The following RANBP2 variants were observed in gnomAD, a reference collection of about 807,000 sequenced individuals.
RANBP2 encodes E3 SUMO-protein ligase RanBP2.
A neutral mutation model predicts 303.6 loss-of-function variants in RANBP2; 57 were observed. The observed-to-expected ratio is 0.19, with a 90% CI of 0.15 to 0.23. RANBP2 has a LOEUF of 0.23. Among genes scored for constraint, RANBP2 ranks in the 10% least tolerant of loss-of-function variants. The pLI is 1.00. For synonymous variants in RANBP2, 1,167 were observed against 1,301.5 expected (o/e 0.90, Z 2.23); for missense variants, 3,138 against 3,780.8 (o/e 0.83, Z 4.46).
the RANBP2 span, among the ~76,000 whole-genome samples, chr2:108,902,195 G>A: frequency 6.7e-6 from 1 of 149,320 alleles, no homozygotes; most frequent in East Asian, 2.0e-4. Flanking sequence ...GGGACAGAGT[G>A]AGACTCCGTC....
At chr2:109,686,778 A>G in the RANBP2 span, among the ~76,000 whole-genome samples, 2 of 152,060 alleles carry the variant, frequency 1.3e-5, no homozygotes, top group Non-Finnish European at 2.9e-5. Flanking sequence ...TGCCCAGATA[A>G]CTTACTGTAT....
At chr2:108,752,329 G>A (rs1675949984) in intron 12 of RANBP2, among the ~76,000 whole-genome samples, 1 of 152,038 alleles carries the variant, frequency 6.6e-6, no homozygotes, top group African/African-American at 2.4e-5. Context: ...TACTTAAGGT[G>A]TGTTTTGTGT....
the RANBP2 span, among the ~76,000 whole-genome samples, chr2:108,929,534 C>A: frequency 6.6e-6 from 1 of 152,184 alleles, no homozygotes; most frequent in East Asian, 1.9e-4. Context: ...GCAAAACCCC[C>A]CAGGAACCAG....
At chr2:109,162,628 G>T in the RANBP2 span, among the ~76,000 whole-genome samples, 1 of 152,096 alleles carries the variant, frequency 6.6e-6, no homozygotes, top group African/African-American at 2.4e-5. Flanking sequence ...GTCTATCATT[G>T]TTGGACATTT....
At chr2:109,085,123 G>A in the RANBP2 span, among the ~76,000 whole-genome samples, 9 of 152,246 alleles carry the variant, frequency 5.9e-5, no homozygotes, top group East Asian at 5.8e-4. Context: ...CCAGGAAGCC[G>A]AGGAGGACCG....
At chr2:109,697,644 A>G in the RANBP2 span, among the ~76,000 whole-genome samples, 11 of 152,100 alleles carry the variant, frequency 7.2e-5, no homozygotes, top group Non-Finnish European at 1.2e-4. Flanking sequence ...CTTCTTTGGA[A>G]TGGTTTATAT....
chr2:109,615,084 A>G, the RANBP2 span: 1 of 1,549,526 alleles, frequency 6.5e-7, no homozygotes, highest in East Asian at 2.4e-5. Context: ...TACCGCACAG[A>G]GGCCGGCCCG....
chr2:109,467,589 A>C, the RANBP2 span, among the ~76,000 whole-genome samples: 1 of 152,224 alleles, frequency 6.6e-6, no homozygotes, highest in African/African-American at 2.4e-5. Context: ...CTAAGTCAAA[A>C]CTTGTCAAAT....
At position 108,753,990 on chromosome 2, in the gene RANBP2, T is replaced by C. The variant is rs1379512121; in HGVS notation, c.2202+19T>C. On this transcript the variant is annotated intron_variant, in intron 15 of 28. Transcript: ENST00000283195. ...CAAGAAAGTAAGTAGCAGGTTGTTG[T>C]ATGTACGTTCTTACTGATAACCCAC... The C allele has an allele frequency of 1.9e-6, 3 of 1,611,658 alleles. No homozygotes were observed. Among genetic ancestry groups the C allele is most frequent in the East Asian group, 2.2e-5 (1 of 44,858 alleles).
chr2:109,356,127 G>A, the RANBP2 span, among the ~76,000 whole-genome samples: 17 of 152,218 alleles, frequency 1.1e-4, no homozygotes, highest in East Asian at 3.1e-3. Context: ...GCAGAGCTGG[G>A]GAAACCTTCC....
the RANBP2 span, among the ~76,000 whole-genome samples, chr2:109,230,681 A>T: frequency 1.3e-5 from 2 of 152,182 alleles, no homozygotes; most frequent in African/African-American, 4.8e-5. Flanking sequence ...ATGTCAGAAA[A>T]TCGTAAGTCG....
At chr2:109,427,651 G>C in the RANBP2 span, among the ~76,000 whole-genome samples, 1,088 of 152,316 alleles carry the variant, frequency 7.1e-3, 13 homozygotes, top group African/African-American at 0.025. Flanking sequence ...AAAGACATCA[G>C]CTCCTAAGCT....
the RANBP2 span, among the ~76,000 whole-genome samples, chr2:108,857,402 A>G: frequency 6.6e-6 from 1 of 152,098 alleles, no homozygotes; most frequent in Non-Finnish European, 1.5e-5. Context: ...AATATTTTTG[A>G]TGCTATTTAA....
chr2:108,805,213 A>T, the RANBP2 span, among the ~76,000 whole-genome samples: 1 of 152,166 alleles, frequency 6.6e-6, no homozygotes, highest in Non-Finnish European at 1.5e-5. Context: ...CTGGCAACCA[A>T]CTGACAAACA....
At chr2:109,134,228 G>C in the RANBP2 span, among the ~76,000 whole-genome samples, 1 of 152,212 alleles carries the variant, frequency 6.6e-6, no homozygotes, top group Non-Finnish European at 1.5e-5. Flanking sequence ...GAGCTAGGAA[G>C]TGATTGAGTT....
At chr2:109,486,702 G>T in the RANBP2 span, among the ~76,000 whole-genome samples, 1 of 152,096 alleles carries the variant, frequency 6.6e-6, no homozygotes, top group Non-Finnish European at 1.5e-5. Context: ...ACCCAGCAGT[G>T]TGGTTGGCGC....
At chr2:109,335,816 G>A in the RANBP2 span, among the ~76,000 whole-genome samples, 526 of 152,300 alleles carry the variant, frequency 3.5e-3, 5 homozygotes, top group African/African-American at 0.012. Flanking sequence ...TTACGCGGCT[G>A]TAGAGAGGAT....
the RANBP2 span, among the ~76,000 whole-genome samples, chr2:109,685,022 C>T: frequency 6.6e-6 from 1 of 151,634 alleles, no homozygotes; most frequent in Non-Finnish European, 1.5e-5. Context: ...TACAGGCACC[C>T]ACCATCATGC....
At chr2:109,603,758 T>C in the RANBP2 span, among the ~76,000 whole-genome samples, 2 of 152,196 alleles carry the variant, frequency 1.3e-5, no homozygotes, top group South Asian at 4.2e-4. Flanking sequence ...AGAGACTTGA[T>C]GAAGAAACAG....
Sources: allele counts gnomAD v4.1 joint callset (sites outside exome capture counted in the v4.1 genomes callset), GRCh38; gene constraint gnomAD v4.1.1; transcripts MANE v1.5; gene names NCBI Gene and HGNC (gene_info 2026-07-23, HGNC 2026-07-21).